Variants in DLST observed in about 807,000 individuals in gnomAD.
The protein encoded by DLST is dihydrolipoyllysine-residue succinyltransferase component of 2-oxoglutarate dehydrogenase complex, mitochondrial.
DLST carries 17 observed loss-of-function variants against 53.1 expected under a neutral mutation model. The ratio of observed to expected loss-of-function variants is 0.32; its 90% CI spans 0.22 to 0.48. The LOEUF is 0.48. DLST is among the 20% of genes least tolerant of loss of function. The pLI, the probability that DLST is intolerant of heterozygous loss-of-function variation, is 0.99. For synonymous variants in DLST, 206 were observed against 204.8 expected (o/e 1.01, Z -0.05); for missense variants, 512 against 583.9 (o/e 0.88, Z 1.27).
Position 74,893,466 on chromosome 14 carries a change from A to G in DLST, c.672+42A>G. 1.9e-6 allele frequency: 3 copies of G among 1,609,498 alleles called. 1 individual carries two copies. The highest frequency in any genetic ancestry group is 4.5e-5 in the East Asian group (2 of 44,860). On this transcript the variant is annotated intron_variant, in intron 9 of 14. Transcript: ENST00000334220. ...CACTTTCAGGAAAGAGGCAGGGGGCAGTGTTGAGATTAGTGGAGTATGGGT... is the reference window on the plus strand; with the variant it reads ...CACTTTCAGGAAAGAGGCAGGGGGCGGTGTTGAGATTAGTGGAGTATGGGT...
Position 74,901,209 on chromosome 14 carries a change from C to T in DLST, c.1203C>T (p.Asp401=). 1 of 1,614,168 alleles carries T rather than the reference C, an allele frequency of 6.2e-7. No individual in the cohort carries two copies. Among genetic ancestry groups the T allele is most frequent in the South Asian group, 1.1e-5 (1 of 91,084 alleles). Residue 401 remains aspartate, a synonymous_variant, in exon 14 of 15, where the codon GAC becomes GAT. Coordinates refer to ENST00000334220, the MANE Select transcript of DLST (RefSeq NM_001933.5). ...TCCTGGGGATGCATGGCATCTTTGA[C>T]AGGCCAGTGGCTATAGGAGGCAAGG... is the stretch of plus-strand genomic sequence containing the variant. ...SAILGMHGIF[D]RPVAIGGKVE... is the part of the protein sequence containing the mutation.
In DLST at chr14:74,884,347, T is replaced by C. The variant is rs969174558; in HGVS notation, c.98-1239T>C. On this transcript the variant is annotated intron_variant, in intron 2 of 14. Transcript: ENST00000334220. ...CTCAATAACAAACATGTTTTTCAAG[T>C]GGGAACCCTGAACAATGTCAGTAAA... Among the ~76,000 whole-genome samples, 4 of 152,238 alleles carry C rather than the reference T, an allele frequency of 2.6e-5. No individual in the cohort carries two copies. In the South Asian group the frequency reaches 8.3e-4, roughly 32 times the overall value.
At chr14:74,884,919 C>T (rs1252815593) in intron 2 of DLST, among the ~76,000 whole-genome samples, 1 of 152,150 alleles carries the variant, frequency 6.6e-6, no homozygotes, top group Non-Finnish European at 1.5e-5. Flanking sequence ...TGGGGAAATG[C>T]AGTTAACTAT....
At chr14:74,889,814 A>G (rs1883839796) in intron 5 of DLST, 83 bp from the exon 6 acceptor site, 3 of 1,410,324 alleles carry the variant, frequency 2.1e-6, no homozygotes, top group Admixed American at 1.8e-5. Context: ...GGGTTCTTAT[A>G]ACATACCTGC....
chr14:74,900,450 C>A, intron 13 of DLST, 78 bp downstream of exon 13: 1 of 1,338,474 alleles, frequency 7.5e-7, no homozygotes, highest in East Asian at 2.3e-5. Flanking sequence ...CACTAGCAAG[C>A]AGTGCTCATG....
chr14:74,891,656 A>G, intron 7 of DLST: 1 of 985,456 alleles, frequency 1.0e-6, no homozygotes, highest in Non-Finnish European at 1.2e-6. Flanking sequence ...AGAAATGAGA[A>G]ACGAATTTGT....
intron 2 of DLST, among the ~76,000 whole-genome samples, chr14:74,882,825 C>G (rs925579038): frequency 1.3e-5 from 2 of 152,204 alleles, no homozygotes; most frequent in African/African-American, 4.8e-5. Context: ...AGGCACTGTG[C>G]TAGACGCTAG....
At chr14:74,896,117 C>G (rs919636616) in intron 10 of DLST, among the ~76,000 whole-genome samples, 1 of 152,130 alleles carries the variant, frequency 6.6e-6, no homozygotes, top group African/African-American at 2.4e-5. Context: ...CTTTGGTCTC[C>G]CACTGGGATT....
chr14:74,899,675 T>C (rs1247225363), intron 11 of DLST, among the ~76,000 whole-genome samples: 1 of 152,194 alleles, frequency 6.6e-6, no homozygotes, highest in Non-Finnish European at 1.5e-5. Context: ...TGTTGAGCCC[T>C]TCTTAGGGCT....
intron 2 of DLST, 134 bp downstream of exon 2, chr14:74,882,758 A>G (rs1035668043): frequency 9.0e-6 from 7 of 779,506 alleles, no homozygotes; most frequent in Non-Finnish European, 2.2e-6. Context: ...ACGCAATGCT[A>G]CATAATCACG....
intron 6 of DLST, 36 bp from the exon 7 acceptor site, chr14:74,891,020 A>G: frequency 6.3e-7 from 1 of 1,592,992 alleles, no homozygotes. Context: ...TGCTGGATAA[A>G]CATTTGGACT....
In DLST at chr14:74,902,207, G is replaced by C; in HGVS notation, c.1239G>C (p.Arg413=). The stretch of plus-strand genomic sequence containing the variant: ...TTTCCTCTCTGTAGGTAGAGGTGCG[G>C]CCCATGATGTACGTGGCACTGACCT... ...PVAIGGKVEV[R]PMMYVALTYD... Residue 413 remains arginine (R), a synonymous_variant, in exon 15 of 15, where the codon CGG becomes CGC. Transcript: ENST00000334220. The C allele has an allele frequency of 6.3e-7, 1 of 1,599,958 alleles. No individual in the cohort carries two copies.
chr14:74,893,001 C>G lies in DLST; in HGVS notation c.595+15C>G. ...TGGCAAACCTGGTAGGCTTCCAACT[C>G]CCACATGTCATGTGGGAGAACATCT... On this transcript the variant is annotated intron_variant, in intron 8 of 14. Transcript: ENST00000334220. 1 of 1,605,958 alleles carries G rather than the reference C, an allele frequency of 6.2e-7. No individual in the cohort carries two copies. Among genetic ancestry groups the G allele is most frequent in the Non-Finnish European group, 8.5e-7 (1 of 1,176,920 alleles).
chr14:74,891,987 ACATTT>A (rs1883924680), intron 7 of DLST: 1 of 402,328 alleles, frequency 2.5e-6, no homozygotes, highest in Non-Finnish European at 3.4e-6. Flanking sequence ...ACAGAAACAA[ACATTT>A]CATTTAAAGT....
chr14:74,894,165 C>A, intron 9 of DLST, 147 bp from the exon 10 acceptor site: 1 of 892,402 alleles, frequency 1.1e-6, no homozygotes, highest in Non-Finnish European at 1.6e-6. Flanking sequence ...AGGGCCACCA[C>A]AGGAAAGGGA....
intron 3 of DLST, among the ~76,000 whole-genome samples, chr14:74,886,597 G>A (rs2300595): frequency 0.13 from 20,155 of 152,198 alleles, 1,511 homozygotes; most frequent in South Asian, 0.29. Flanking sequence ...GCCTCCCAAA[G>A]TGGAGGATAC....
At chr14:74,894,631 C>T (rs1317758965) in intron 10 of DLST, among the ~76,000 whole-genome samples, 3 of 151,952 alleles carry the variant, frequency 2.0e-5, no homozygotes, top group Admixed American at 6.6e-5. Context: ...CTGCAAGCTC[C>T]GCCTCCCGGG....
intron 9 of DLST, 83 bp from the exon 10 acceptor site, chr14:74,894,229 A>G (rs1226980368): frequency 6.5e-7 from 1 of 1,534,944 alleles, no homozygotes; most frequent in African/African-American, 1.4e-5. Flanking sequence ...TACTCGTGGC[A>G]AGCCGTGTTC....
intron 5 of DLST, chr14:74,889,667 G>GAGCCACTGCGCC: frequency 1.8e-6 from 1 of 562,488 alleles, no homozygotes; most frequent in African/African-American, 1.9e-5. Context: ...GCCACTGCGT[G>GAGCCACTGCGCC]AGCCACTGCG....
Sources: allele counts gnomAD v4.1 joint callset (sites outside exome capture counted in the v4.1 genomes callset), GRCh38; gene constraint gnomAD v4.1.1; transcripts MANE v1.5; gene names NCBI Gene and HGNC (gene_info 2026-07-23, HGNC 2026-07-21).